RBFOX1: variants seen among roughly 807,000 people sequenced by gnomAD.
RBFOX1 encodes the protein RNA binding protein fox-1 homolog 1.
RBFOX1 carries 8 observed loss-of-function variants against 57.7 expected under a neutral mutation model. That is an observed-to-expected ratio of 0.14 (90% CI 0.08 to 0.25). RBFOX1 has a LOEUF of 0.25. RBFOX1 is among the 10% of genes least tolerant of loss of function. The pLI is 1.00. For synonymous variants in RBFOX1, 326 were observed against 222.4 expected (o/e 1.47, Z -4.15); for missense variants, 611 against 548.5 (o/e 1.11, Z -1.14).
intron 2 of RBFOX1, among the ~76,000 whole-genome samples, chr16:6,527,775 TG>T (rs1165558150): frequency 2.6e-5 from 4 of 152,088 alleles, no homozygotes; most frequent in African/African-American, 9.7e-5. Context: ...GGCGAGTTAA[TG>T]GTTGCCACTC....
chr16:7,408,054 A>C (rs1403467342), intron 4 of RBFOX1, among the ~76,000 whole-genome samples: 8 of 152,198 alleles, frequency 5.3e-5, no homozygotes, highest in African/African-American at 1.9e-4. Context: ...TGCTTTACAC[A>C]ACTGGATGCT....
At chr16:6,429,118 A>G (rs527805414) in intron 2 of RBFOX1, among the ~76,000 whole-genome samples, 51 of 152,346 alleles carry the variant, frequency 3.3e-4, no homozygotes, top group African/African-American at 1.2e-3. Flanking sequence ...TTCAGTTATT[A>G]GCTGTGAAAT....
At chr16:5,265,964 T>G (rs1240713476) in intron 1 of RBFOX1, among the ~76,000 whole-genome samples, 1 of 151,942 alleles carries the variant, frequency 6.6e-6, no homozygotes, top group Non-Finnish European at 1.5e-5. Flanking sequence ...GCCCAGCAGA[T>G]GCCATTTCAA....
intron 2 of RBFOX1, among the ~76,000 whole-genome samples, chr16:6,400,285 A>G (rs1006903652): frequency 1.3e-5 from 2 of 152,252 alleles, no homozygotes; most frequent in African/African-American, 4.8e-5. Context: ...ATTAGGAGTC[A>G]GTAATTATAA....
At chr16:7,049,047 G>C (rs548282303) in intron 3 of RBFOX1, among the ~76,000 whole-genome samples, 52 of 152,260 alleles carry the variant, frequency 3.4e-4, no homozygotes, top group East Asian at 1.2e-3. Flanking sequence ...TTTAGGGTCA[G>C]ATACAGACAT....
At chr16:6,917,354 G>T (rs529548033) in intron 3 of RBFOX1, among the ~76,000 whole-genome samples, 2 of 152,196 alleles carry the variant, frequency 1.3e-5, no homozygotes, top group South Asian at 4.1e-4. Flanking sequence ...CAGTATATGG[G>T]ATTGCACATG....
rs138963280 is a variant in RBFOX1, at chr16:6,859,270, C to G, written c.-15-192787C>G. Among the ~76,000 whole-genome samples, 765 of 148,612 alleles carry G rather than the reference C, an allele frequency of 5.1e-3. 6 individuals carry two copies. The highest frequency in any genetic ancestry group is 0.018 in the African/African-American group (732 of 40,022). On this transcript the variant is annotated intron_variant, in intron 3 of 15. Coordinates refer to ENST00000550418, the MANE Select transcript of RBFOX1 (RefSeq NM_018723.4). ...ATTCTGACTCTTTATAAAAATGACT[C>G]CTCTTGAATATTATTTGTTCCCATC...
intron 2 of RBFOX1, among the ~76,000 whole-genome samples, chr16:5,516,135 G>A (rs903588004): frequency 6.6e-6 from 1 of 152,172 alleles, no homozygotes; most frequent in Non-Finnish European, 1.5e-5. Flanking sequence ...TCTGAGTCCT[G>A]TGTCTGGTCC....
intron 2 of RBFOX1, among the ~76,000 whole-genome samples, chr16:6,330,915 A>C (rs925289092): frequency 3.3e-5 from 5 of 152,136 alleles, no homozygotes; most frequent in African/African-American, 4.8e-5. Context: ...GAATTAAAGG[A>C]TGGTATGGTT....
intron 2 of RBFOX1, among the ~76,000 whole-genome samples, chr16:6,430,217 C>T (rs529239225): frequency 2.6e-5 from 4 of 152,218 alleles, no homozygotes; most frequent in Middle Eastern, 3.4e-3. Context: ...GACTAATACA[C>T]CTACTGTGTG....
chr16:6,310,235 G>C (rs1272296646), intron 1 of RBFOX1, among the ~76,000 whole-genome samples: 1 of 152,124 alleles, frequency 6.6e-6, no homozygotes, highest in Non-Finnish European at 1.5e-5. Context: ...TGGAATAGCG[G>C]ATACAATTGT....
intron 3 of RBFOX1, among the ~76,000 whole-genome samples, chr16:6,902,933 T>C (rs2068839865): frequency 6.6e-6 from 1 of 152,210 alleles, no homozygotes; most frequent in Admixed American, 6.5e-5. Flanking sequence ...TACTCTTTAC[T>C]TGTTCGGGGC....
rs139686490 is a variant in RBFOX1 at position 6,591,987 on chromosome 16, C to T, written c.-63-62616C>T. ...TGGGTGTCTACTGTGGGCTGTATGA[C>T]TTCCTAAGCATCCTATTATTTAATC... On this transcript the variant is annotated intron_variant, in intron 2 of 15. Transcript: ENST00000550418. Among the ~76,000 whole-genome samples the T allele has an allele frequency of 2.2e-4, 33 of 152,246 alleles. No homozygotes were observed. The East Asian group carries it at 6.4e-3, about 29-fold the overall frequency.
chr16:6,830,495 A>G (rs1192885566), intron 3 of RBFOX1, among the ~76,000 whole-genome samples: 2 of 152,186 alleles, frequency 1.3e-5, no homozygotes, highest in Non-Finnish European at 2.9e-5. Context: ...CTATGCCAGG[A>G]GTTCTCAACT....
chr16:5,662,139 C>T (rs1187508642), intron 3 of RBFOX1, among the ~76,000 whole-genome samples: 1 of 152,126 alleles, frequency 6.6e-6, no homozygotes, highest in African/African-American at 2.4e-5. Context: ...AAACATCTTT[C>T]CATTTTCCCC....
chr16:5,696,732 G>A (rs12444089), intron 3 of RBFOX1, among the ~76,000 whole-genome samples: 85,387 of 151,976 alleles, frequency 0.56, 26,658 homozygotes, highest in Non-Finnish European at 0.71. Flanking sequence ...TTATGATATT[G>A]CCTTCCCATC....
At chr16:6,105,276 T>G (rs1025869279) in intron 1 of RBFOX1, among the ~76,000 whole-genome samples, 4 of 152,246 alleles carry the variant, frequency 2.6e-5, no homozygotes, top group African/African-American at 9.6e-5. Flanking sequence ...GCTGATCATT[T>G]GTTTTAAACG....
At chr16:5,398,200 TGTGTACATGTGTGGACATGA>T (rs1302270569) in intron 1 of RBFOX1, among the ~76,000 whole-genome samples, 4 of 152,136 alleles carry the variant, frequency 2.6e-5, no homozygotes, top group South Asian at 2.1e-4. Context: ...TGTGTATATG[TGTGTACATGTGTGGACATGA>T]GTGTACATGT....
chr16:6,036,626 T>C (rs761008518), intron 1 of RBFOX1, among the ~76,000 whole-genome samples: 1 of 152,150 alleles, frequency 6.6e-6, no homozygotes, highest in African/African-American at 2.4e-5. Context: ...TTTTTCAGAC[T>C]GGTGGGAATG....
Sources: allele counts gnomAD v4.1 joint callset (sites outside exome capture counted in the v4.1 genomes callset), GRCh38; gene constraint gnomAD v4.1.1; transcripts MANE v1.5; gene names NCBI Gene and HGNC (gene_info 2026-07-23, HGNC 2026-07-21).